Variants in STX8 observed in about 807,000 individuals in gnomAD.
STX8 encodes the protein syntaxin-8.
Under a neutral mutation model 37.5 loss-of-function variants are expected in STX8, and 23 were observed. The observed-to-expected ratio is 0.61, with a 90% CI of 0.44 to 0.87. STX8 has a LOEUF of 0.87. Ranked by LOEUF, STX8 falls within the 40% of genes least tolerant of loss-of-function variation. STX8 has a pLI of 0.00. For missense variants in STX8, 313 were observed against 284.7 expected (o/e 1.10, Z -0.71); for synonymous variants, 115 against 99.1 (o/e 1.16, Z -0.95).
At chr17:9,493,988 GTTTTGT>G (rs773142155) in intron 5 of STX8, among the ~76,000 whole-genome samples, 6 of 1,098 alleles carry the variant, frequency 5.5e-3, no homozygotes, top group Non-Finnish European at 0.035. Context: ...AAGTTCATAT[GTTTTGT>G]TTTTTTTTGT....
chr17:9,355,404 A>G (rs1380996737), intron 7 of STX8, among the ~76,000 whole-genome samples: 2 of 144,950 alleles, frequency 1.4e-5, no homozygotes, highest in African/African-American at 5.2e-5. Flanking sequence ...GCACAATCAC[A>G]GCTCACTGCA....
chr17:9,307,666 G>A (rs182829351), intron 7 of STX8, among the ~76,000 whole-genome samples: 93 of 152,216 alleles, frequency 6.1e-4, no homozygotes, highest in African/African-American at 2.1e-3. Flanking sequence ...TTAGGTGCCC[G>A]TCAGGGATCA....
At chr17:9,383,712 G>C (rs559572475) in intron 6 of STX8, among the ~76,000 whole-genome samples, 1 of 152,210 alleles carries the variant, frequency 6.6e-6, no homozygotes, top group Admixed American at 6.5e-5. Flanking sequence ...TGTACACCCA[G>C]AAAACGATAA....
At chr17:9,485,501 A>G (rs529005344) in intron 6 of STX8, among the ~76,000 whole-genome samples, 1 of 152,260 alleles carries the variant, frequency 6.6e-6, no homozygotes, top group South Asian at 2.1e-4. Flanking sequence ...AAGAAAAACA[A>G]TAAGTAAACT....
intron 6 of STX8, among the ~76,000 whole-genome samples, chr17:9,430,596 C>T (rs1913920884): frequency 1.3e-5 from 2 of 151,086 alleles, no homozygotes; most frequent in South Asian, 2.1e-4. Flanking sequence ...GTACATACTA[C>T]AACTTGTTTA....
At chr17:9,485,437 G>A (rs1906546919) in intron 6 of STX8, among the ~76,000 whole-genome samples, 1 of 152,092 alleles carries the variant, frequency 6.6e-6, no homozygotes, top group Non-Finnish European at 1.5e-5. Flanking sequence ...TAAATAAAAT[G>A]GAAATAACCC....
chr17:9,344,994 T>G (rs558683114), intron 7 of STX8, among the ~76,000 whole-genome samples: 7 of 152,180 alleles, frequency 4.6e-5, no homozygotes, highest in African/African-American at 1.7e-4. Context: ...AAATCATCGC[T>G]CTCTCTCTTT....
At chr17:9,416,853 A>G (rs891144582) in intron 6 of STX8, among the ~76,000 whole-genome samples, 5 of 152,180 alleles carry the variant, frequency 3.3e-5, no homozygotes, top group Non-Finnish European at 5.9e-5. Flanking sequence ...TGGAGGTCAC[A>G]AGATTTCTAA....
At chr17:9,520,460 A>G (rs1372734292) in intron 4 of STX8, among the ~76,000 whole-genome samples, 1 of 152,254 alleles carries the variant, frequency 6.6e-6, no homozygotes, top group Non-Finnish European at 1.5e-5. Context: ...CTGAGCTTAG[A>G]ACAGACTTGA....
intron 3 of STX8, chr17:9,547,267 GAAA>G (rs1184965044): frequency 8.6e-6 from 1 of 116,166 alleles, no homozygotes; most frequent in African/African-American, 3.4e-5. Flanking sequence ...AAAAAAAAAA[GAAA>G]AAAGAAACAC....
At chr17:9,302,284 G>GT (rs928598540) in intron 7 of STX8, among the ~76,000 whole-genome samples, 3 of 151,514 alleles carry the variant, frequency 2.0e-5, no homozygotes, top group Admixed American at 6.6e-5. Context: ...TGGTGGTTTT[G>GT]TTTTTTTTCT....
chr17:9,561,393 T>A (rs1304517664), intron 2 of STX8, among the ~76,000 whole-genome samples: 1 of 152,046 alleles, frequency 6.6e-6, no homozygotes, highest in East Asian at 1.9e-4. Context: ...GCACGGTGGG[T>A]CACGCTTGTA....
intron 7 of STX8, among the ~76,000 whole-genome samples, chr17:9,269,630 A>G (rs560951502): frequency 2.0e-5 from 3 of 152,244 alleles, no homozygotes; most frequent in Admixed American, 6.5e-5. Flanking sequence ...TGGCTTTGCA[A>G]TATTGGCTGG....
intron 4 of STX8, among the ~76,000 whole-genome samples, chr17:9,529,783 C>T (rs1195059820): frequency 6.6e-6 from 1 of 152,134 alleles, no homozygotes; most frequent in Non-Finnish European, 1.5e-5. Flanking sequence ...TGTATTTATT[C>T]ATTATACTAT....
At chr17:9,324,924 C>T (rs1215802964) in intron 7 of STX8, among the ~76,000 whole-genome samples, 3 of 152,158 alleles carry the variant, frequency 2.0e-5, no homozygotes, top group African/African-American at 7.2e-5. Context: ...AGGCAATATG[C>T]ATTCAGTAGA....
At chr17:9,523,107 T>A (rs562958059) in intron 4 of STX8, among the ~76,000 whole-genome samples, 25 of 151,776 alleles carry the variant, frequency 1.6e-4, no homozygotes, top group Non-Finnish European at 3.5e-4. Context: ...GGTCAAGAGA[T>A]CGAGACCATC....
intron 7 of STX8, among the ~76,000 whole-genome samples, chr17:9,286,879 T>C (rs758119782): frequency 4.6e-5 from 7 of 152,106 alleles, no homozygotes; most frequent in East Asian, 1.9e-4. Context: ...GCTGAGGCTA[T>C]GCCACTGACC....
At position 9,568,421 on chromosome 17, in the gene STX8, T is replaced by A; in HGVS notation, c.67A>T (p.Lys23Ter). ...TCATATTGATTTCGTTGTTGAATTT[T>A]CTCAGCAATTTCTTGGGCAATTTGA... is the stretch of plus-strand genomic sequence containing the variant. ...TCQIAQEIAE[K>*]IQQRNQYERK... is the part of the protein sequence containing the mutation. The change falls in exon 2 of 8, where the codon AAA becomes TAA. Residue 23 changes from lysine (K) to a stop codon, truncating the protein, a stop_gained. Coordinates refer to ENST00000306357, the MANE Select transcript of STX8 (RefSeq NM_004853.3). LOFTEE classifies it high-confidence loss of function. The A allele has an allele frequency of 6.2e-7, 1 of 1,612,860 alleles. No homozygotes were observed. Among genetic ancestry groups the A allele is most frequent in the Non-Finnish European group, 8.5e-7 (1 of 1,179,910 alleles).
At chr17:9,453,702 A>G (rs1399496466) in intron 6 of STX8, among the ~76,000 whole-genome samples, 2 of 152,118 alleles carry the variant, frequency 1.3e-5, no homozygotes, top group African/African-American at 4.8e-5. Context: ...CATGTTGGCC[A>G]GGCTGGTCTC....
Sources: allele counts gnomAD v4.1 joint callset (sites outside exome capture counted in the v4.1 genomes callset), GRCh38; gene constraint gnomAD v4.1.1; transcripts MANE v1.5; gene names NCBI Gene and HGNC (gene_info 2026-07-23, HGNC 2026-07-21).